CCDC40: variants seen among roughly 807,000 people sequenced by gnomAD.
CCDC40 encodes the protein coiled-coil domain-containing protein 40.
CCDC40 carries 104 observed loss-of-function variants against 124.5 expected under a neutral mutation model. The ratio of observed to expected loss-of-function variants is 0.84; its 90% CI spans 0.71 to 0.98. The LOEUF is 0.98. Ranked by LOEUF, CCDC40 falls within the 50% of genes least tolerant of loss-of-function variation. The pLI is 0.00. For synonymous variants in CCDC40, 580 were observed against 602.9 expected, an observed-to-expected ratio of 0.96 and a Z score of 0.56; for missense variants, 1,463 against 1,503.9, an observed-to-expected ratio of 0.97 and a Z score of 0.45.
chr17:80,051,107 G>A (rs2037576166), intron 7 of CCDC40, among the ~76,000 whole-genome samples: 1 of 152,128 alleles, frequency 6.6e-6, no homozygotes, highest in African/African-American at 2.4e-5. Context: ...CGGGGACAGT[G>A]GCTTCCTCTT....
At position 80,088,049 on chromosome 17, in the gene CCDC40, G is replaced by GA. The variant is rs1567811487; in HGVS notation, c.2660dup (p.Asn887LysfsTer111). On this transcript the variant is annotated frameshift_variant, in exon 16 of 20. Transcript: ENST00000397545. LOFTEE classifies it high-confidence loss of function. ...AGACCATCAAGATGCAGGACAAGCT[G>GA]AACCAGCTCAGCGAGGAGAAGGCGA... The GA allele has an allele frequency of 1.9e-6, 3 of 1,613,698 alleles. No homozygotes were observed. In the Admixed American group the frequency reaches 5.0e-5, roughly 27 times the overall value.
intron 7 of CCDC40, 68 bp downstream of exon 7, chr17:80,050,351 CCATGGCCAGG>C: frequency 7.8e-7 from 1 of 1,274,726 alleles, no homozygotes; most frequent in East Asian, 2.5e-5. Context: ...TCTCCATGTA[CCATGGCCAGG>C]CATCTAGAAA....
chr17:80,067,055 C>T (rs115114961), intron 10 of CCDC40: 2,260 of 156,146 alleles, frequency 0.014, 55 homozygotes, highest in African/African-American at 0.052. Flanking sequence ...TCAGCTGCCA[C>T]GGGCCTTAAG....
At chr17:80,080,930 C>G (rs1425703123) in intron 10 of CCDC40, among the ~76,000 whole-genome samples, 2 of 152,188 alleles carry the variant, frequency 1.3e-5, no homozygotes, top group Non-Finnish European at 2.9e-5. Flanking sequence ...TTGGAATGTT[C>G]TCAACACGAA....
In CCDC40 at chr17:80,087,136, C is replaced by T. The variant is rs533260252; in HGVS notation, c.2450-471C>T. The T allele has an allele frequency of 2.4e-4, 57 of 240,070 alleles. No homozygotes were observed. The highest frequency in any genetic ancestry group is 1.2e-3 in the African/African-American group (54 of 45,320). The allele number at this position is 240,070 out of a possible 1,614,324, so 14.9% of individuals were successfully genotyped here. On this transcript the variant is annotated intron_variant, in intron 14 of 19. Transcript: ENST00000397545. This position sits in a 1 kb window ranked among gnomAD's most constrained non-coding sequence, Gnocchi z 4.5. The stretch of plus-strand genomic sequence containing the variant: ...ATGAACCAGCTGTGGCCTCTTGTGC[C>T]CTCCACCCATCTTAACATCAAGAAG...
chr17:80,066,068 C>T lies in CCDC40; in HGVS notation c.1562+462C>T, dbSNP rs8082554. 183,846 of 702,196 alleles carry T rather than the reference C, an allele frequency of 0.26. 25,935 individuals are homozygous for T. Among genetic ancestry groups the T allele is most frequent in the Middle Eastern group, 0.36 (1,595 of 4,370 alleles). 43.5% of individuals were successfully genotyped at this position (702,196 alleles called of 1,614,324 possible). On this transcript the variant is annotated intron_variant, in intron 10 of 19. Coordinates refer to ENST00000397545, the MANE Select transcript of CCDC40 (RefSeq NM_017950.4). This position sits in a 1 kb window ranked among gnomAD's most constrained non-coding sequence, Gnocchi z 4.4. ...ATCCCCTCACTTCTGGGGATGGATG[C>T]GTGGCTCAGGGCAGGGCGTTGGAGA...
In CCDC40 at chr17:80,048,633, G is replaced by A; in HGVS notation, c.727G>A (p.Val243Met). The change falls in exon 5 of 20, where the codon GTG becomes ATG. Residue 243 changes from valine to methionine, a missense_variant. Transcript: ENST00000397545. The part of the protein sequence containing the change: ...DAHPREGDLP[V>M]FQDQIQQPST... ...CCACCCCAGGGAAGGAGACCTGCCAGTGTTCCAGGACCAGATCCAGCAGCC... is the reference window on the plus strand; with the variant it reads ...CCACCCCAGGGAAGGAGACCTGCCAATGTTCCAGGACCAGATCCAGCAGCC... 1.2e-6 allele frequency: 2 copies of A among 1,614,084 alleles called. No individual in the cohort carries two copies. Among genetic ancestry groups the A allele is most frequent in the Non-Finnish European group, 1.7e-6 (2 of 1,180,024 alleles).
At chr17:80,049,456 G>A (rs931063814) in intron 5 of CCDC40, among the ~76,000 whole-genome samples, 1 of 151,378 alleles carries the variant, frequency 6.6e-6, no homozygotes, top group Non-Finnish European at 1.5e-5. Flanking sequence ...AAATGTTGGC[G>A]GTGTGGGGCC....
rs548578596 is a variant in CCDC40 at position 80,077,471 on chromosome 17, C to T, written c.1563-4075C>T. ...CTGGTAGGTGGAGGTTGCAGTGAGC[C>T]GAGATTGCGCCATTGCACTCCAGCC... On this transcript the variant is annotated intron_variant, in intron 10 of 19. Transcript: ENST00000397545. Among the ~76,000 whole-genome samples the T allele has an allele frequency of 3.1e-4, 47 of 152,238 alleles. No individual in the cohort carries two copies. In the South Asian group the frequency reaches 5.4e-3, roughly 17 times the overall value.
intron 7 of CCDC40, among the ~76,000 whole-genome samples, chr17:80,056,191 A>G (rs2037745071): frequency 4.0e-5 from 6 of 150,444 alleles, no homozygotes. Flanking sequence ...TATCTAAGCA[A>G]AGTCACAAGG....
At chr17:80,063,240 A>C (rs562651436) in intron 9 of CCDC40, among the ~76,000 whole-genome samples, 3 of 152,092 alleles carry the variant, frequency 2.0e-5, no homozygotes, top group Admixed American at 6.6e-5. Flanking sequence ...ATAGAATTTG[A>C]TTTCGCACAC....
intron 10 of CCDC40, among the ~76,000 whole-genome samples, chr17:80,080,248 A>G (rs1247290973): frequency 1.3e-5 from 2 of 152,064 alleles, no homozygotes; most frequent in African/African-American, 4.8e-5. Context: ...ACCGCAGAAC[A>G]TCTCAGAATA....
At position 80,058,720 on chromosome 17, in the gene CCDC40, T is replaced by C; in HGVS notation, c.1317+69T>C. ...GGAGCTTCAAAAAGGGGCTCAGCTT[T>C]GCCTCCTGCGTGAAGGCTTCCGGCC... On this transcript the variant is annotated intron_variant, in intron 8 of 19. Transcript: ENST00000397545. This position sits in a 1 kb window ranked among gnomAD's most constrained non-coding sequence, Gnocchi z 4.2. The C allele has an allele frequency of 6.2e-7, 1 of 1,605,996 alleles. No homozygotes were observed. Among genetic ancestry groups the C allele is most frequent in the Non-Finnish European group, 8.5e-7 (1 of 1,172,808 alleles).
At chr17:80,093,508 T>C (rs544238852) in intron 17 of CCDC40, among the ~76,000 whole-genome samples, 26 of 150,522 alleles carry the variant, frequency 1.7e-4, no homozygotes, top group Non-Finnish European at 3.1e-4. Flanking sequence ...TAGGCTGTTT[T>C]CTTATTTCTC....
At chr17:80,069,033 A>G (rs1329037250) in intron 10 of CCDC40, among the ~76,000 whole-genome samples, 1 of 151,988 alleles carries the variant, frequency 6.6e-6, no homozygotes, top group African/African-American at 2.4e-5. Context: ...AGCAGCCCTC[A>G]CCCTGACCTT....
chr17:80,064,833 C>T (rs948221403), intron 9 of CCDC40, among the ~76,000 whole-genome samples: 2 of 151,906 alleles, frequency 1.3e-5, no homozygotes, highest in Non-Finnish European at 2.9e-5. Context: ...AGCCCTGCTT[C>T]CCCCAGCTGG....
At chr17:80,042,832 T>G (rs72848479) in intron 3 of CCDC40, among the ~76,000 whole-genome samples, 1 of 149,902 alleles carries the variant, frequency 6.7e-6, no homozygotes, top group Non-Finnish European at 1.5e-5. Flanking sequence ...AGTTCCCTTG[T>G]ATTCTCGGTT....
At chr17:80,082,595 C>T (rs2038479976) in intron 12 of CCDC40, among the ~76,000 whole-genome samples, 1 of 152,120 alleles carries the variant, frequency 6.6e-6, no homozygotes, top group Admixed American at 6.6e-5. Flanking sequence ...CCAACAGTCC[C>T]CATTTTAGTC....
At chr17:80,067,193 C>G (rs2038067234) in intron 10 of CCDC40, 2 of 271,238 alleles carry the variant, frequency 7.4e-6, no homozygotes, top group Non-Finnish European at 1.4e-5. Flanking sequence ...TTGTCCAGCT[C>G]TCCCCTGCAT....
Sources: allele counts gnomAD v4.1 joint callset (sites outside exome capture counted in the v4.1 genomes callset), GRCh38; gene constraint gnomAD v4.1.1; non-coding constraint Gnocchi (gnomAD v3.1); transcripts MANE v1.5; gene names NCBI Gene and HGNC (gene_info 2026-07-23, HGNC 2026-07-21).